Variants in SYT1 observed in about 807,000 individuals in gnomAD.
The protein encoded by SYT1 is synaptotagmin-1.
A neutral mutation model predicts 44.8 loss-of-function variants in SYT1; 8 were observed. The observed-to-expected ratio is 0.18, with a 90% CI of 0.10 to 0.32. The LOEUF is 0.32. Among genes scored for constraint, SYT1 ranks in the 10% least tolerant of loss-of-function variants. The pLI, the probability that SYT1 is intolerant of heterozygous loss-of-function variation, is 1.00. For missense variants in SYT1, 286 were observed against 509.3 expected, an observed-to-expected ratio of 0.56 and a Z score of 4.22; for synonymous variants, 154 against 188.8, an observed-to-expected ratio of 0.82 and a Z score of 1.51.
intron 3 of SYT1, among the ~76,000 whole-genome samples, chr12:79,071,820 C>G (rs1876299262): frequency 1.3e-5 from 2 of 152,090 alleles, no homozygotes; most frequent in South Asian, 4.1e-4. Flanking sequence ...AAGGCCTACC[C>G]TACTCAAGAA....
chr12:79,253,444 G>C (rs889970329), intron 4 of SYT1, among the ~76,000 whole-genome samples: 1 of 149,428 alleles, frequency 6.7e-6, no homozygotes, highest in Admixed American at 6.7e-5. Flanking sequence ...CCATAAATGT[G>C]GTGTATGTTC....
chr12:79,112,637 G>A (rs1196958801), intron 3 of SYT1, among the ~76,000 whole-genome samples: 1 of 152,042 alleles, frequency 6.6e-6, no homozygotes, highest in Non-Finnish European at 1.5e-5. Flanking sequence ...TTACACCATT[G>A]TATCTCAGAA....
chr12:79,427,535 C>A (rs1869522200), intron 9 of SYT1, among the ~76,000 whole-genome samples: 1 of 152,124 alleles, frequency 6.6e-6, no homozygotes, highest in Non-Finnish European at 1.5e-5. Flanking sequence ...TCTTTTGAGG[C>A]TTAGAGATTA....
intron 9 of SYT1, among the ~76,000 whole-genome samples, chr12:79,434,393 AAG>A (rs1869968771): frequency 6.6e-6 from 1 of 152,226 alleles, no homozygotes; most frequent in South Asian, 2.1e-4. Flanking sequence ...TTAAACTATA[AAG>A]ACACTTAAAT....
chr12:79,359,616 T>G (rs1883242376), intron 9 of SYT1, among the ~76,000 whole-genome samples: 1 of 152,122 alleles, frequency 6.6e-6, no homozygotes, highest in African/African-American at 2.4e-5. Flanking sequence ...TCACCATCAC[T>G]ATATGTCACA....
intron 1 of SYT1, among the ~76,000 whole-genome samples, chr12:78,972,143 A>G (rs1322114224): frequency 6.6e-6 from 1 of 151,952 alleles, no homozygotes; most frequent in Non-Finnish European, 1.5e-5. Context: ...TCGCTCTTCT[A>G]TTTTCTCCCC....
At chr12:78,945,702 A>T (rs1299607909) in intron 1 of SYT1, among the ~76,000 whole-genome samples, 1 of 152,216 alleles carries the variant, frequency 6.6e-6, no homozygotes, top group African/African-American at 2.4e-5. Flanking sequence ...TTGACAATGT[A>T]ATCCAAAGAC....
intron 2 of SYT1, among the ~76,000 whole-genome samples, chr12:78,993,371 A>G (rs1870150708): frequency 6.6e-6 from 1 of 152,234 alleles, no homozygotes; most frequent in Non-Finnish European, 1.5e-5. Context: ...TCCTTTCAGA[A>G]TAATCATTGT....
At chr12:79,365,997 A>T (rs984886469) in intron 9 of SYT1, among the ~76,000 whole-genome samples, 3 of 152,208 alleles carry the variant, frequency 2.0e-5, no homozygotes, top group Non-Finnish European at 4.4e-5. Flanking sequence ...GTAAAAATAC[A>T]TACCGCTATG....
chr12:78,925,608 A>G, intron 1 of SYT1, among the ~76,000 whole-genome samples: 1 of 151,972 alleles, frequency 6.6e-6, no homozygotes, highest in East Asian at 1.9e-4. Context: ...ATTATACTCA[A>G]GAAGGTGTAA....
At chr12:79,172,733 A>G (rs1473017599) in intron 3 of SYT1, among the ~76,000 whole-genome samples, 24 of 151,614 alleles carry the variant, frequency 1.6e-4, no homozygotes, top group Admixed American at 1.6e-3. Flanking sequence ...TGATTATGAA[A>G]CTTCTATGAA....
intron 1 of SYT1, among the ~76,000 whole-genome samples, chr12:78,891,988 T>C (rs1875082903): frequency 6.6e-6 from 1 of 151,874 alleles, no homozygotes; most frequent in East Asian, 1.9e-4. Context: ...AGTTAATCAC[T>C]ATAATTTTAT....
chr12:78,964,863 A>T (rs577627759), intron 1 of SYT1, among the ~76,000 whole-genome samples: 96 of 152,274 alleles, frequency 6.3e-4, no homozygotes, highest in Non-Finnish European at 1.1e-3. Flanking sequence ...AAAGAAAGAT[A>T]CAACCTCTGC....
intron 8 of SYT1, among the ~76,000 whole-genome samples, chr12:79,300,051 A>G (rs1880059894): frequency 1.3e-5 from 2 of 152,158 alleles, no homozygotes; most frequent in South Asian, 4.1e-4. Flanking sequence ...AACATCAAAT[A>G]TAATTCACAA....
intron 1 of SYT1, among the ~76,000 whole-genome samples, chr12:78,876,909 T>TATAATATATATTATATATAATAC (rs1565697998): frequency 1.1e-5 from 1 of 90,244 alleles, no homozygotes; most frequent in African/African-American, 3.8e-5. Flanking sequence ...ATATATTATA[T>TATAATATATATTATATATAATAC]GTATTATATA....
chr12:79,279,277 C>G (rs1220905522), intron 4 of SYT1, among the ~76,000 whole-genome samples: 1 of 151,988 alleles, frequency 6.6e-6, no homozygotes, highest in African/African-American at 2.4e-5. Context: ...AATCCAACAG[C>G]ACATGAAAAA....
chr12:79,219,572 G>C (rs1875028039), intron 4 of SYT1, among the ~76,000 whole-genome samples: 1 of 152,040 alleles, frequency 6.6e-6, no homozygotes, highest in African/African-American at 2.4e-5. Context: ...TGGATATCCA[G>C]TTTTCCCAAC....
chr12:79,075,494 C>A (rs1477367874), intron 3 of SYT1, among the ~76,000 whole-genome samples: 1 of 152,166 alleles, frequency 6.6e-6, no homozygotes, highest in Non-Finnish European at 1.5e-5. Flanking sequence ...TTTGGTTGGG[C>A]TTTAAGATGA....
At position 79,287,114 on chromosome 12, in the gene SYT1, A is replaced by G. The variant is rs911993736; in HGVS notation, c.351+1143A>G. 1.1e-4 allele frequency among the ~76,000 whole-genome samples: 16 copies of G among 151,972 alleles called. No individual in the cohort carries two copies. The South Asian group carries it at 1.5e-3, about 14-fold the overall frequency. On this transcript the variant is annotated intron_variant, in intron 5 of 10. Transcript: ENST00000261205. ...CTCCCCTTCCCAGCTTCAGTTTTAA[A>G]CTCTTTTTCCTCAAAGACACTATAG...
Sources: gnomAD v4.1 joint callset for allele counts (sites outside exome capture counted in the v4.1 genomes callset) on GRCh38, gnomAD v4.1.1 for gene constraint, MANE v1.5 for transcripts, NCBI Gene and HGNC (gene_info 2026-07-23, HGNC 2026-07-21) for gene names.